Variants in RFX3 observed in about 807,000 individuals in gnomAD.
RFX3 encodes regulatory factor X3, also known as transcription factor RFX3.
Under a neutral mutation model 98.6 loss-of-function variants are expected in RFX3, and 14 were observed. That is an observed-to-expected ratio of 0.14 (90% CI 0.09 to 0.22). The LOEUF (loss-of-function observed/expected upper bound fraction) is 0.22. Ranked by LOEUF, RFX3 falls within the 10% of genes least tolerant of loss-of-function variation. The probability of loss-of-function intolerance (pLI) is 1.00; values close to 1 mark genes in which losing one functional copy is unlikely to be tolerated. For missense variants in RFX3, 639 were observed against 926.9 expected, an observed-to-expected ratio of 0.69 and a Z score of 4.03; for synonymous variants, 383 against 328.4, an observed-to-expected ratio of 1.17 and a Z score of -1.80.
At chr9:3,249,216 G>T (rs1254498690) in intron 14 of RFX3, among the ~76,000 whole-genome samples, 2 of 152,080 alleles carry the variant, frequency 1.3e-5, no homozygotes, top group Non-Finnish European at 2.9e-5. Context: ...AAAAACAAAA[G>T]ACTGTACTTT....
intron 2 of RFX3, among the ~76,000 whole-genome samples, chr9:3,361,627 G>C (rs577753311): frequency 6.9e-4 from 96 of 139,366 alleles, no homozygotes; most frequent in African/African-American, 2.5e-3. Flanking sequence ...GTCAAGACCA[G>C]CCTGAGAAAC....
intron 13 of RFX3, among the ~76,000 whole-genome samples, chr9:3,257,855 G>C: frequency 6.6e-6 from 1 of 152,142 alleles, no homozygotes; most frequent in East Asian, 1.9e-4. Flanking sequence ...TTGAGAAAAT[G>C]TAGACGTGCT....
intron 2 of RFX3, among the ~76,000 whole-genome samples, chr9:3,385,832 A>C (rs529801090): frequency 6.6e-6 from 1 of 152,292 alleles, no homozygotes; most frequent in South Asian, 2.1e-4. Flanking sequence ...AGGTCATCTA[A>C]GATAATAATA....
chr9:3,484,247 C>G (rs1346197350), intron 1 of RFX3, among the ~76,000 whole-genome samples: 2 of 152,172 alleles, frequency 1.3e-5, no homozygotes, highest in South Asian at 4.1e-4. Context: ...CTACTGCCCT[C>G]GGAGACAGCA....
intron 1 of RFX3, chr9:3,490,313 C>T: frequency 1.0e-6 from 1 of 984,188 alleles, no homozygotes; most frequent in Non-Finnish European, 1.2e-6. Flanking sequence ...TCAACGTATT[C>T]TCTACCATAA....
intron 1 of RFX3, among the ~76,000 whole-genome samples, chr9:3,454,733 T>C (rs191325720): frequency 1.1e-4 from 16 of 152,362 alleles, no homozygotes; most frequent in Non-Finnish European, 1.8e-4. Context: ...TATTATTGAC[T>C]ATTTTTTTCC....
At chr9:3,254,451 A>G (rs1250015842) in intron 14 of RFX3, among the ~76,000 whole-genome samples, 1 of 152,108 alleles carries the variant, frequency 6.6e-6, no homozygotes, top group African/African-American at 2.4e-5. Flanking sequence ...TCAATTATTC[A>G]TGGAGCACAT....
intron 1 of RFX3, among the ~76,000 whole-genome samples, chr9:3,521,354 T>C (rs1818692552): frequency 6.6e-6 from 1 of 152,192 alleles, no homozygotes; most frequent in African/African-American, 2.4e-5. Context: ...GGTTCTGATG[T>C]AAAACTGCCA....
At chr9:3,480,198 TG>T (rs1849618573) in intron 1 of RFX3, among the ~76,000 whole-genome samples, 1 of 152,218 alleles carries the variant, frequency 6.6e-6, no homozygotes, top group South Asian at 2.1e-4. Flanking sequence ...ATCTTGCTGG[TG>T]GTCATTCATA....
chr9:3,429,263 C>A (rs1844421443), intron 1 of RFX3, among the ~76,000 whole-genome samples: 1 of 151,072 alleles, frequency 6.6e-6, no homozygotes, highest in African/African-American at 2.4e-5. Flanking sequence ...ACCTCGTGAT[C>A]CGCCCGTCTC....
intron 1 of RFX3, among the ~76,000 whole-genome samples, chr9:3,525,460 C>G (rs933598548): frequency 6.6e-6 from 1 of 152,118 alleles, no homozygotes; most frequent in African/African-American, 2.4e-5. Flanking sequence ...TCGCAGCCCC[C>G]CAAGCTCCCG....
At chr9:3,271,140 G>C (rs1193854367) in intron 9 of RFX3, 22 bp from the exon 10 acceptor site, 7 of 1,597,476 alleles carry the variant, frequency 4.4e-6, no homozygotes, top group African/African-American at 4.0e-5. Flanking sequence ...AATGGTACCA[G>C]TATTACCTTA....
In RFX3 at chr9:3,470,660, G is replaced by T. The variant is rs577288541; in HGVS notation, c.-9+55087C>A. On this transcript the variant is annotated intron_variant, in intron 1 of 16. Transcript: ENST00000617270. The stretch of plus-strand genomic sequence containing the variant: ...AAATTCTTTTCACAGCCCGATACTA[G>T]CTCCAGAGTTCTTCTCTGACATGGC... Among the ~76,000 whole-genome samples the T allele has an allele frequency of 3.3e-5, 5 of 152,202 alleles. No homozygotes were observed. In the East Asian group the frequency reaches 9.6e-4, roughly 29 times the overall value.
intron 14 of RFX3, among the ~76,000 whole-genome samples, chr9:3,250,163 A>G (rs1402725709): frequency 6.6e-6 from 1 of 151,948 alleles, no homozygotes; most frequent in African/African-American, 2.4e-5. Context: ...CTAAAAAAGC[A>G]AAAACAACAC....
At chr9:3,273,099 G>GTT (rs1171182865) in intron 9 of RFX3, among the ~76,000 whole-genome samples, 1 of 152,160 alleles carries the variant, frequency 6.6e-6, no homozygotes, top group Admixed American at 6.5e-5. Flanking sequence ...TTTCAAATAT[G>GTT]TTCAGACTAA....
At chr9:3,242,800 A>G (rs928454594) in intron 15 of RFX3, among the ~76,000 whole-genome samples, 3 of 152,054 alleles carry the variant, frequency 2.0e-5, no homozygotes, top group Admixed American at 6.5e-5. Flanking sequence ...ATTTTTCTCT[A>G]TTACTGAAAT....
chr9:3,328,267 T>A lies in RFX3; in HGVS notation c.474+1992A>T, dbSNP rs191329532. Among the ~76,000 whole-genome samples, 12 of 152,300 alleles carry A rather than the reference T, an allele frequency of 7.9e-5. No individual in the cohort carries two copies. The East Asian group carries it at 2.3e-3, about 29-fold the overall frequency. On this transcript the variant is annotated intron_variant, in intron 4 of 16. Transcript: ENST00000617270. ...CTATAGGAGGAGTGCTATATACTAC[T>A]GCCACCATTTTCTATCTCTTTTCTT...
chr9:3,395,323 T>C lies in RFX3; in HGVS notation c.117+149A>G, dbSNP rs1357402457. The stretch of plus-strand genomic sequence containing the variant: ...AGAACCTGGCACATCCAAGAAATGC[T>C]CAAGAAACATTTGCTGAATGAACCT... On this transcript the variant is annotated intron_variant, in intron 2 of 16. Transcript: ENST00000617270. 3 of 841,844 alleles carry C rather than the reference T, an allele frequency of 3.6e-6. No individual in the cohort carries two copies. In the Admixed American group the frequency reaches 6.6e-5, roughly 19 times the overall value. 52.1% of individuals were successfully genotyped at this position (841,844 alleles called of 1,614,324 possible).
chr9:3,392,316 A>C (rs561734285), intron 2 of RFX3, among the ~76,000 whole-genome samples: 2 of 152,140 alleles, frequency 1.3e-5, no homozygotes, highest in African/African-American at 4.8e-5. Context: ...AGACTATGTA[A>C]AGAGAAAAAA....
Sources: gnomAD v4.1 joint callset for allele counts (sites outside exome capture counted in the v4.1 genomes callset) on GRCh38, gnomAD v4.1.1 for gene constraint, MANE v1.5 for transcripts, NCBI Gene and HGNC (gene_info 2026-07-23, HGNC 2026-07-21) for gene names.